Variants in DNAH8 observed in about 807,000 individuals in gnomAD.
DNAH8 encodes axonemal beta dynein heavy chain 8.
In DNAH8, 382 loss-of-function variants were observed where a neutral mutation model predicts 562.1. That is an observed-to-expected ratio of 0.68 (90% CI 0.63 to 0.74). The LOEUF (loss-of-function observed/expected upper bound fraction) is 0.74. Among genes scored for constraint, DNAH8 ranks in the 30% least tolerant of loss-of-function variants. The pLI is 0.00. For missense variants in DNAH8, 5,203 were observed against 5,620.4 expected, an observed-to-expected ratio of 0.93 and a Z score of 2.37; for synonymous variants, 1,881 against 1,919.4, an observed-to-expected ratio of 0.98 and a Z score of 0.52.
chr6:38,936,228 T>C (rs6905467), intron 77 of DNAH8: 106,350 of 151,960 alleles, frequency 0.7, 37,857 homozygotes, highest in East Asian at 0.83. Context: ...AATGCAGTTA[T>C]TGCAACGGGT....
At chr6:38,794,744 T>C (rs539969994) in intron 21 of DNAH8, among the ~76,000 whole-genome samples, 1 of 152,366 alleles carries the variant, frequency 6.6e-6, no homozygotes, top group South Asian at 2.1e-4. Flanking sequence ...GTTCTTTCAT[T>C]TCAACTTCTC....
chr6:38,870,148 A>G (rs1025276750), intron 48 of DNAH8, among the ~76,000 whole-genome samples: 3 of 152,148 alleles, frequency 2.0e-5, no homozygotes, highest in Admixed American at 6.5e-5. Context: ...CCATGATACA[A>G]TTACCTCTCA....
At chr6:38,958,414 GA>G (rs35615279) in intron 82 of DNAH8, among the ~76,000 whole-genome samples, 217 of 131,024 alleles carry the variant, frequency 1.7e-3, no homozygotes, top group African/African-American at 4.1e-3. Context: ...GATATGACTG[GA>G]AAAAAAAAAA....
chr6:38,912,073 A>AGCAATGTTT (rs1232361473), intron 66 of DNAH8, among the ~76,000 whole-genome samples: 1 of 152,232 alleles, frequency 6.6e-6, no homozygotes, highest in Non-Finnish European at 1.5e-5. Flanking sequence ...TATGTAGTAT[A>AGCAATGTTT]ACTAGCAAAA....
At chr6:38,725,738 C>T (rs1238497399) in intron 3 of DNAH8, among the ~76,000 whole-genome samples, 1 of 152,160 alleles carries the variant, frequency 6.6e-6, no homozygotes, top group Non-Finnish European at 1.5e-5. Flanking sequence ...TAGAATGTCA[C>T]TATGCTTGGT....
Position 38,906,319 on chromosome 6 carries a change from GA to G in DNAH8, c.9264del (p.Gly3089AlafsTer11). ...KALYKVAGAD[G>X]KGITFIFTDS... ...TTGTACAAAGTTGCTGGTGCTGATG[GA>G]AAAGGCATCACTTTCATCTTTACTG... On this transcript the variant is annotated frameshift_variant, in exon 63 of 93. Transcript: ENST00000327475. LOFTEE classifies it high-confidence loss of function. The G allele has an allele frequency of 6.2e-7, 1 of 1,610,238 alleles. No individual in the cohort carries two copies.
chr6:39,024,520 G>T (rs546613291), intron 91 of DNAH8, among the ~76,000 whole-genome samples: 1 of 152,100 alleles, frequency 6.6e-6, no homozygotes, highest in Non-Finnish European at 1.5e-5. Context: ...TAAAGTATGG[G>T]AGCCTGGATG....
intron 75 of DNAH8, among the ~76,000 whole-genome samples, chr6:38,930,061 T>C (rs957823293): frequency 3.9e-5 from 6 of 152,180 alleles, no homozygotes; most frequent in Admixed American, 3.9e-4. Context: ...ATATATACAT[T>C]TTTACAAAAT....
rs1781232694 is a variant in DNAH8, at chr6:38,915,395, AC to A, written c.10140+22del. ...CCCTGAATGTGAGCAGTGCATTGTT[AC>A]CCCTTCCAACACAAGTCCTAGAAGG... On this transcript the variant is annotated intron_variant, in intron 68 of 92. Transcript: ENST00000327475. 6.6e-7 allele frequency: 1 copy of A among 1,519,336 alleles called. No homozygotes were observed. Among genetic ancestry groups the A allele is most frequent in the Admixed American group, 2.4e-5 (1 of 41,282 alleles). 94.1% of individuals were successfully genotyped at this position (1,519,336 alleles called of 1,614,324 possible). A position where few individuals can be genotyped will look rare whatever the true frequency, so the allele number is the denominator to read the frequency against.
In DNAH8 at chr6:38,822,885, C is replaced by T. The variant is rs150925022; in HGVS notation, c.3571C>T (p.Pro1191Ser). The T allele has an allele frequency of 2.5e-6, 4 of 1,603,736 alleles. No homozygotes were observed. In the Admixed American group the frequency reaches 7.0e-5, roughly 28 times the overall value. ...IPARKLKNFY[P>S]GVAEHKDISK... ...TGCGAGGAAGCTGAAGAATTTTTAC[C>T]CGGGGGTAGCGGAGCACAAGGATAT... The change falls in exon 27 of 93, where the codon CCG (proline) becomes TCG (serine). Residue 1191 changes from proline (P) to serine (S), a missense_variant. Pro to Ser is a moderately conservative substitution (Grantham distance 74, BLOSUM62 -1). Coordinates refer to ENST00000327475, the MANE Select transcript of DNAH8 (RefSeq NM_001206927.2).
At chr6:38,949,422 G>C (rs1761702982) in intron 80 of DNAH8, 30 bp from the exon 81 acceptor site, 2 of 1,328,602 alleles carry the variant, frequency 1.5e-6, no homozygotes, top group South Asian at 2.3e-5. Flanking sequence ...ATATAGTTCT[G>C]TGGCTTGCTA....
At chr6:38,855,215 A>C (rs1329293557) in intron 41 of DNAH8, among the ~76,000 whole-genome samples, 15 of 152,010 alleles carry the variant, frequency 9.9e-5, no homozygotes, top group Non-Finnish European at 1.5e-5. Flanking sequence ...AATTGTTTGA[A>C]TGCCATGGAT....
At chr6:38,790,505 T>C (rs994729112) in intron 20 of DNAH8, 100 bp downstream of exon 20, 4 of 592,212 alleles carry the variant, frequency 6.8e-6, no homozygotes, top group African/African-American at 5.8e-5. Flanking sequence ...GACTTTTAAC[T>C]AAAAGGACAT....
chr6:38,934,157 A>T (rs1015734849), intron 76 of DNAH8, among the ~76,000 whole-genome samples: 33 of 152,146 alleles, frequency 2.2e-4, no homozygotes, highest in African/African-American at 7.9e-4. Flanking sequence ...GTTTGAGACC[A>T]GCCTGGCCAA....
intron 66 of DNAH8, 26 bp from the exon 67 acceptor site, chr6:38,913,823 A>G: frequency 8.6e-6 from 13 of 1,517,400 alleles, no homozygotes; most frequent in Non-Finnish European, 1.2e-5. Context: ...TACTCAGTAA[A>G]GGTATATATG....
rs539865015 is a variant in DNAH8 at position 38,979,395 on chromosome 6, T to G, written c.12835-2951T>G. On this transcript the variant is annotated intron_variant, in intron 85 of 92. Transcript: ENST00000327475. The stretch of plus-strand genomic sequence containing the variant: ...ATGGTTTCAAAAATGTTAATTAAAC[T>G]GAAGAAATTCAATATTCCAAATAAG... 4.6e-5 allele frequency among the ~76,000 whole-genome samples: 7 copies of G among 152,338 alleles called. 1 individual carries two copies. The South Asian group carries it at 1.4e-3, about 32-fold the overall frequency.
chr6:38,776,180 G>A (rs771276846), intron 13 of DNAH8, among the ~76,000 whole-genome samples: 1 of 151,212 alleles, frequency 6.6e-6, no homozygotes, highest in African/African-American at 2.4e-5. Flanking sequence ...ACATCAGAGA[G>A]TAACTAGAAG....
intron 55 of DNAH8, 102 bp from the exon 56 acceptor site, chr6:38,883,774 A>T: frequency 3.1e-6 from 3 of 957,304 alleles, no homozygotes; most frequent in Non-Finnish European, 4.3e-6. Context: ...TACTTATTAA[A>T]TGCGTAAGTA....
rs759633459 is a variant in DNAH8 at position 38,990,092 on chromosome 6, C to G, written c.13134C>G (p.Asp4378Glu). 3.7e-6 allele frequency: 6 copies of G among 1,601,158 alleles called. No homozygotes were observed. The South Asian group carries it at 6.6e-5, about 18-fold the overall frequency. The part of the protein sequence containing the change: ...GYKIPLCKTL[D>E]QYFEYIQSLP... ...AAATCCCCTTATGCAAAACCTTAGA[C>G]CAGTATTTTGAATACATCCAGTCAC... is the stretch of plus-strand genomic sequence containing the variant. Residue 4378 changes from aspartate (D) to glutamate (E), a missense_variant, in exon 88 of 93, where the codon GAC becomes GAG. By Grantham distance (45) the Asp-to-Glu change is conservative (BLOSUM62 2). Coordinates refer to ENST00000327475, the MANE Select transcript of DNAH8 (RefSeq NM_001206927.2).
Sources: allele counts gnomAD v4.1 joint callset (sites outside exome capture counted in the v4.1 genomes callset), GRCh38; gene constraint gnomAD v4.1.1; transcripts MANE v1.5; gene names NCBI Gene and HGNC (gene_info 2026-07-23, HGNC 2026-07-21).